Variants in SCN3A observed in about 807,000 individuals in gnomAD.
SCN3A encodes sodium channel protein type 3 subunit alpha.
A neutral mutation model predicts 187.6 loss-of-function variants in SCN3A; 60 were observed. The observed-to-expected ratio is 0.32, with a 90% CI of 0.26 to 0.40. The LOEUF (loss-of-function observed/expected upper bound fraction) is 0.40. Ranked by LOEUF, SCN3A falls within the 10% of genes least tolerant of loss-of-function variation. The pLI, the probability that SCN3A is intolerant of heterozygous loss-of-function variation, is 1.00. For synonymous variants in SCN3A, 788 were observed against 829.2 expected, an observed-to-expected ratio of 0.95 and a Z score of 0.85; for missense variants, 1,601 against 2,428.2, an observed-to-expected ratio of 0.66 and a Z score of 7.16.
rs1170612191 is a variant in SCN3A, at chr2:165,164,397, C to T, written c.597G>A (p.Val199=). 6.2e-7 allele frequency: 1 copy of T among 1,613,716 alleles called. No individual in the cohort carries two copies. Among genetic ancestry groups the T allele is most frequent in the South Asian group, 1.1e-5 (1 of 91,064 alleles). The change falls in exon 6 of 28, where the codon GTG becomes GTA. Residue 199 remains valine (V), a synonymous_variant. Transcript: ENST00000283254. The part of the protein sequence containing the change: ...PWNWLDFSVI[V]MAYVTEFVDL... ...AAATTTTCAAAGTTACTCACGCCATCACAATGACACTGAAATCCAGCCAGT... is the reference window on the plus strand; with the variant it reads ...AAATTTTCAAAGTTACTCACGCCATTACAATGACACTGAAATCCAGCCAGT...
chr2:165,137,846 C>T, intron 15 of SCN3A, 33 bp downstream of exon 15: 1 of 1,521,544 alleles, frequency 6.6e-7, no homozygotes. Flanking sequence ...CCACATCTAC[C>T]AAAGTAAATA....
At position 165,131,303 on chromosome 2, in the gene SCN3A, A is replaced by G; in HGVS notation, c.2506T>C (p.Leu836=). ...ACATTTGACAGACCAAGCTCCATTAAACTGAGGCTGACAATAATTCCATCA... is the reference window on the plus strand; with the variant it reads ...ACATTTGACAGACCAAGCTCCATTAGACTGAGGCTGACAATAATTCCATCA... ...IFDGIIVSLS[L]MELGLSNVEG... Residue 836 remains leucine, a synonymous_variant, in exon 16 of 28, where the codon TTA becomes CTA. Transcript: ENST00000283254. 1 of 1,608,954 alleles carries G rather than the reference A, an allele frequency of 6.2e-7. No homozygotes were observed. The highest frequency in any genetic ancestry group is 1.1e-5 in the South Asian group (1 of 90,480).
At position 165,128,001 on chromosome 2, in the gene SCN3A, A is replaced by G. The variant is rs1687096758; in HGVS notation, c.3023T>C (p.Val1008Ala). ...DNEMNNLQIA[V>A]GRMQKGIDYV... is the part of the protein sequence containing the mutation. ...ATCAATTCCCTTTTGCATTCTTCCT[A>G]CTGCAATCTGCAGATTATTCATTTC... Residue 1008 changes from valine to alanine, a missense_variant, in exon 18 of 28, where the codon GTA (valine) becomes GCA (alanine). By Grantham distance (64) the Val-to-Ala change is moderately conservative. Coordinates refer to ENST00000283254, the MANE Select transcript of SCN3A (RefSeq NM_006922.4). The G allele has an allele frequency of 3.7e-6, 6 of 1,613,876 alleles. No homozygotes were observed. Among genetic ancestry groups the G allele is most frequent in the South Asian group, 1.1e-5 (1 of 91,076 alleles).
intron 10 of SCN3A, among the ~76,000 whole-genome samples, chr2:165,155,232 A>T (rs187833632): frequency 7.9e-5 from 12 of 152,146 alleles, no homozygotes; most frequent in Admixed American, 3.3e-4. Context: ...TCCTCAGTGT[A>T]CATATATAGG....
Position 165,147,846 on chromosome 2 carries a change from C to T in SCN3A, c.1381-817G>A, listed in dbSNP as rs2105838253. Among the ~76,000 whole-genome samples, 2 of 152,106 alleles carry T rather than the reference C, an allele frequency of 1.3e-5. 1 individual carries two copies. The highest frequency in any genetic ancestry group is 6.8e-3 in the Middle Eastern group (2 of 294). On this transcript the variant is annotated intron_variant, in intron 11 of 27. Transcript: ENST00000283254. The stretch of plus-strand genomic sequence containing the variant: ...CAGTCAGCTCTGAGGTGAAACATGG[C>T]AAATAGTATTTTTAGACTGGAAATG...
At chr2:165,149,319 C>T (rs915838923) in intron 11 of SCN3A, among the ~76,000 whole-genome samples, 4 of 151,904 alleles carry the variant, frequency 2.6e-5, no homozygotes, top group East Asian at 1.9e-4. Context: ...GGATTACAGG[C>T]GTGAGCCACC....
intron 18 of SCN3A, among the ~76,000 whole-genome samples, chr2:165,123,629 G>C (rs537427406): frequency 6.6e-6 from 1 of 152,122 alleles, no homozygotes; most frequent in African/African-American, 2.4e-5. Flanking sequence ...CTTGCTACTT[G>C]TGTCAAAAAC....
chr2:165,171,903 T>C (rs1690126252), intron 3 of SCN3A, among the ~76,000 whole-genome samples: 1 of 152,128 alleles, frequency 6.6e-6, no homozygotes, highest in Non-Finnish European at 1.5e-5. Flanking sequence ...AATAAACACT[T>C]GTTTTAATTA....
chr2:165,115,659 A>G (rs1686336546), intron 18 of SCN3A, 84 bp from the exon 19 acceptor site: 1 of 1,296,512 alleles, frequency 7.7e-7, no homozygotes, highest in South Asian at 1.2e-5. Context: ...TGTGTGAAAA[A>G]AAAATAGTAG....
intron 18 of SCN3A, chr2:165,119,774 A>G (rs1686560544): frequency 6.6e-6 from 1 of 152,178 alleles, no homozygotes; most frequent in Non-Finnish European, 1.5e-5. Context: ...CATAGCTGTG[A>G]TACTACAATG....
At chr2:165,103,235 T>C (rs1301064665) in intron 21 of SCN3A, among the ~76,000 whole-genome samples, 2 of 152,158 alleles carry the variant, frequency 1.3e-5, no homozygotes, top group Non-Finnish European at 2.9e-5. Context: ...AATGACTACA[T>C]TGGTAGGGTG....
At chr2:165,137,362 T>G (rs1179669272) in intron 15 of SCN3A, among the ~76,000 whole-genome samples, 1 of 152,186 alleles carries the variant, frequency 6.6e-6, no homozygotes, top group African/African-American at 2.4e-5. Flanking sequence ...GAATGCTCAG[T>G]AATTTGAACC....
intron 21 of SCN3A, among the ~76,000 whole-genome samples, chr2:165,106,630 G>A (rs1685876157): frequency 6.6e-6 from 1 of 152,172 alleles, no homozygotes; most frequent in Non-Finnish European, 1.5e-5. Context: ...AGTAGATGCT[G>A]CATAAGTTGT....
Position 165,128,008 on chromosome 2 carries a change from T to A in SCN3A, c.3016A>T (p.Ile1006Phe). 6.2e-7 allele frequency: 1 copy of A among 1,613,994 alleles called. No homozygotes were observed. The highest frequency in any genetic ancestry group is 1.1e-5 in the South Asian group (1 of 91,080). ...CCCTTTTGCATTCTTCCTACTGCAA[T>A]CTGCAGATTATTCATTTCATTGTCA... Reference protein sequence around the residue: ...DDDNEMNNLQIAVGRMQKGID... With the variant: ...DDDNEMNNLQFAVGRMQKGID... The change falls in exon 18 of 28, where the codon ATT becomes TTT. Residue 1006 changes from isoleucine to phenylalanine, a missense_variant. Ile to Phe is a conservative substitution (Grantham distance 21). Coordinates refer to ENST00000283254, the MANE Select transcript of SCN3A (RefSeq NM_006922.4).
intron 1 of SCN3A, among the ~76,000 whole-genome samples, chr2:165,188,122 G>A (rs959156143): frequency 4.6e-5 from 7 of 152,108 alleles, no homozygotes; most frequent in East Asian, 1.9e-4. Context: ...GCTGGATATC[G>A]AAGAGGGAAT....
intron 3 of SCN3A, among the ~76,000 whole-genome samples, chr2:165,171,199 T>A (rs1010959851): frequency 1.3e-5 from 2 of 152,012 alleles, no homozygotes; most frequent in Non-Finnish European, 2.9e-5. Flanking sequence ...AAGTGATTAT[T>A]TACCATGTTC....
intron 1 of SCN3A, among the ~76,000 whole-genome samples, chr2:165,199,271 C>T (rs941124818): frequency 2.0e-5 from 3 of 151,896 alleles, no homozygotes; most frequent in African/African-American, 7.2e-5. Flanking sequence ...TAACTTTGCT[C>T]CAGCACAGAG....
chr2:165,197,485 G>A (rs1292133053), intron 1 of SCN3A, among the ~76,000 whole-genome samples: 2 of 151,844 alleles, frequency 1.3e-5, no homozygotes, highest in African/African-American at 2.4e-5. Flanking sequence ...TGATTCTAAT[G>A]TGCATCCACA....
At chr2:165,126,316 A>T (rs914955898) in intron 18 of SCN3A, among the ~76,000 whole-genome samples, 1 of 152,182 alleles carries the variant, frequency 6.6e-6, no homozygotes, top group Non-Finnish European at 1.5e-5. Flanking sequence ...AATTAATAAC[A>T]TTACTACTAT....
Sources: allele counts gnomAD v4.1 joint callset (sites outside exome capture counted in the v4.1 genomes callset), GRCh38; gene constraint gnomAD v4.1.1; transcripts MANE v1.5; gene names NCBI Gene and HGNC (gene_info 2026-07-23, HGNC 2026-07-21).